Variants in PRPF6 observed in about 807,000 individuals in gnomAD.
The protein encoded by PRPF6 is pre-mRNA-processing factor 6.
PRPF6 carries 42 observed loss-of-function variants against 118.3 expected under a neutral mutation model. That is an observed-to-expected ratio of 0.35 (90% CI 0.28 to 0.46). The LOEUF (loss-of-function observed/expected upper bound fraction) is 0.46. Ranked by LOEUF, PRPF6 falls within the 20% of genes least tolerant of loss-of-function variation. PRPF6 has a pLI of 1.00. For missense variants in PRPF6, 662 were observed against 1,255.7 expected (o/e 0.53, Z 7.15); for synonymous variants, 481 against 485.1 (o/e 0.99, Z 0.11).
Position 63,981,192 on chromosome 20 carries a change from C to T in PRPF6, c.-54C>T, listed in dbSNP as rs750275951. On this transcript the variant is annotated 5_prime_UTR_variant, in exon 1 of 21. Coordinates refer to ENST00000266079, the MANE Select transcript of PRPF6 (RefSeq NM_012469.4). ...CGAAGCCTAGAGTCTCTGCGTCTTT[C>T]CCTCTTCCGCTGCCTCATTCCTTTC... 1.4e-3 allele frequency: 2,118 copies of T among 1,542,862 alleles called. 2 individuals are homozygous for T. Among genetic ancestry groups the T allele is most frequent in the Middle Eastern group, 1.8e-3 (11 of 5,972 alleles).
At position 64,029,550 on chromosome 20, in the gene PRPF6, G is replaced by T. The variant is rs2059305608; in HGVS notation, c.2546+59G>T. ...GGGGTCCTAATGGGCTCTTTTTCCA[G>T]AGTCTGTCTGCCTCTTCCTGGTCAT... On this transcript the variant is annotated intron_variant, in intron 19 of 20. Transcript: ENST00000266079. The surrounding 1 kb of genome is among the most constrained non-coding windows in gnomAD (Gnocchi z 4.8). 7.2e-7 allele frequency: 1 copy of T among 1,391,586 alleles called. No individual in the cohort carries two copies. Among genetic ancestry groups the T allele is most frequent in the Admixed American group, 1.7e-5 (1 of 59,140 alleles). The allele number at this position is 1,391,586 out of a possible 1,614,324, so 86.2% of individuals were successfully genotyped here.
intron 3 of PRPF6, among the ~76,000 whole-genome samples, chr20:63,990,066 C>T (rs1464282140): frequency 6.6e-6 from 1 of 151,864 alleles, no homozygotes; most frequent in Admixed American, 6.6e-5. Flanking sequence ...GTTGGCCAGG[C>T]CGGTCTTGAA....
chr20:63,982,898 G>A, intron 1 of PRPF6, 149 bp from the exon 2 acceptor site: 1 of 924,804 alleles, frequency 1.1e-6, no homozygotes, highest in Non-Finnish European at 1.7e-6. Flanking sequence ...GATCAGAAGT[G>A]TTTGAGACTG....
At chr20:63,984,410 G>A (rs2059084595) in intron 2 of PRPF6, among the ~76,000 whole-genome samples, 2 of 150,558 alleles carry the variant, frequency 1.3e-5, no homozygotes, top group African/African-American at 2.5e-5. Flanking sequence ...GAGAGTGCGA[G>A]ACTCTGTCTC....
Position 64,015,962 on chromosome 20 carries a change from A to G in PRPF6, c.1525-761A>G, listed in dbSNP as rs549141709. 7.2e-5 allele frequency among the ~76,000 whole-genome samples: 11 copies of G among 152,282 alleles called. No individual in the cohort carries two copies. In the East Asian group the frequency reaches 2.1e-3, roughly 29 times the overall value. On this transcript the variant is annotated intron_variant, in intron 11 of 20. Transcript: ENST00000266079. ...GGCAACATAAGGAGACCCTGTATCTATGAAACATAATGTACCATTGAGCAT... is the reference window on the plus strand; with the variant it reads ...GGCAACATAAGGAGACCCTGTATCTGTGAAACATAATGTACCATTGAGCAT...
chr20:64,016,864 C>A lies in PRPF6; in HGVS notation c.1647+19C>A, dbSNP rs375521383. 1.1e-4 allele frequency: 180 copies of A among 1,613,740 alleles called. No homozygotes were observed. The highest frequency in any genetic ancestry group is 9.8e-4 in the Admixed American group (59 of 59,974). ...TGACAGTGTGAGTTGGCAACAGGGG[C>A]CTTTGTCCGTAATATGGAGTCTCTG... On this transcript the variant is annotated intron_variant, in intron 12 of 20. Coordinates refer to ENST00000266079, the MANE Select transcript of PRPF6 (RefSeq NM_012469.4).
chr20:64,031,689 A>C lies in PRPF6; in HGVS notation c.2547-229A>C, dbSNP rs1413916705. On this transcript the variant is annotated intron_variant, in intron 19 of 20. Transcript: ENST00000266079. The stretch of plus-strand genomic sequence containing the variant: ...CTCCTTCTCAAAAAAAAAAAAAAAA[A>C]AACAACAAAAAAAAACCAATTTGGT... 7.6e-3 allele frequency among the ~76,000 whole-genome samples: 1,129 copies of C among 148,222 alleles called. 17 individuals carry two copies. The highest frequency in any genetic ancestry group is 0.026 in the African/African-American group (1,001 of 38,824).
At chr20:63,983,463 CCA>C (rs2059080016) in intron 2 of PRPF6, among the ~76,000 whole-genome samples, 1 of 150,344 alleles carries the variant, frequency 6.7e-6, no homozygotes, top group Admixed American at 6.6e-5. Flanking sequence ...TTTCTATTGC[CCA>C]GTCTTTTTTT....
Position 63,994,930 on chromosome 20 carries a change from A to C in PRPF6, c.453A>C (p.Glu151Asp). The change falls in exon 5 of 21, where the codon GAA becomes GAC. Residue 151 changes from glutamate to aspartate, a missense_variant. Around this residue, in one of 10 missense-constraint regions of PRPF6, gnomAD observed 97 missense variants for 122.6 expected, o/e 0.79. Coordinates refer to ENST00000266079, the MANE Select transcript of PRPF6 (RefSeq NM_012469.4). Reference sequence around the variant, plus strand: ...GATATTTCCAGAGGAAGTTGGCAGAAGTCACAGAAGAAGAGTGGCTGAGCA... The same window carrying C: ...GATATTTCCAGAGGAAGTTGGCAGACGTCACAGAAGAAGAGTGGCTGAGCA... ...QFSDLKRKLA[E>D]VTEEEWLSIP... The C allele has an allele frequency of 6.2e-6, 10 of 1,614,228 alleles. No homozygotes were observed. The highest frequency in any genetic ancestry group is 8.5e-6 in the Non-Finnish European group (10 of 1,180,050).
In PRPF6 at chr20:64,027,750, G is replaced by A; in HGVS notation, c.2339+14G>A. 3.7e-6 allele frequency: 6 copies of A among 1,613,494 alleles called. No individual in the cohort carries two copies. The highest frequency in any genetic ancestry group is 5.1e-6 in the Non-Finnish European group (6 of 1,179,996). On this transcript the variant is annotated intron_variant, in intron 17 of 20. Transcript: ENST00000266079. This position sits in a 1 kb window ranked among gnomAD's most constrained non-coding sequence, Gnocchi z 6.5. ...CCCTGGGCTGTGGTGAGTCCTGGAG[G>A]GGGCAGCCTGGCCTCTGGGCACAGC...
In PRPF6 at chr20:64,027,854, G is replaced by C. The variant is rs60782571; in HGVS notation, c.2339+118G>C. On this transcript the variant is annotated intron_variant, in intron 17 of 20. Transcript: ENST00000266079. The surrounding 1 kb of genome is among the most constrained non-coding windows in gnomAD (Gnocchi z 6.5). ...CAGTGCTTCCAGGCTCAGGGGCTTG[G>C]GGGGCGGTAGGTGCTGGCCATGAAA... 2.3e-3 allele frequency: 3,372 copies of C among 1,436,458 alleles called. 86 individuals carry two copies. In the African/African-American group the frequency reaches 0.042, roughly 18 times the overall value. The allele number at this position is 1,436,458 out of a possible 1,614,324, so 89.0% of individuals were successfully genotyped here.
chr20:64,031,066 C>T (rs1402040496), intron 19 of PRPF6, among the ~76,000 whole-genome samples: 3 of 152,248 alleles, frequency 2.0e-5, no homozygotes, highest in Admixed American at 6.5e-5. Context: ...TAGCATGGAC[C>T]TCTTCGGGCC....
chr20:64,002,700 A>G lies in PRPF6; in HGVS notation c.1186+1461A>G, dbSNP rs183058951. Among the ~76,000 whole-genome samples, 566 of 137,694 alleles carry G rather than the reference A, an allele frequency of 4.1e-3. 16 individuals carry two copies. The highest frequency in any genetic ancestry group is 0.036 in the Admixed American group (497 of 13,674). The allele number at this position is 137,694 out of a possible 152,430, so 90.3% of individuals were successfully genotyped here. ...ACTTTGTCCCCCAGGCTGGAGTGCA[A>G]TGGCACCATCTTGGCTCACTGCAAC... On this transcript the variant is annotated intron_variant, in intron 9 of 20. Coordinates refer to ENST00000266079, the MANE Select transcript of PRPF6 (RefSeq NM_012469.4).
rs761243851 is a variant in PRPF6, at chr20:64,028,446, G to T, written c.2340-32G>T. 6.2e-7 allele frequency: 1 copy of T among 1,610,968 alleles called. No individual in the cohort carries two copies. The highest frequency in any genetic ancestry group is 8.5e-7 in the Non-Finnish European group (1 of 1,177,644). The stretch of plus-strand genomic sequence containing the variant: ...CCAGAATATGTGCTGTTGGTAGACG[G>T]CTGTGGGACCTCCGGGGGCCTGTCT... On this transcript the variant is annotated intron_variant, in intron 17 of 20. Transcript: ENST00000266079. The surrounding 1 kb of genome is among the most constrained non-coding windows in gnomAD (Gnocchi z 6.5).
intron 6 of PRPF6, among the ~76,000 whole-genome samples, chr20:63,996,543 G>A (rs1224857803): frequency 1.3e-5 from 2 of 152,152 alleles, no homozygotes; most frequent in African/African-American, 4.8e-5. Context: ...TGGAGCTCCT[G>A]GGCACAAGTG....
rs1482658138 is a variant in PRPF6 at position 64,026,469 on chromosome 20, G to A, written c.2028+411G>A. Reference sequence around the variant, plus strand: ...TGCGGTGAGCTGAGATCGCGCCACTGCACTCCAGCCTGGGCAGCAAGAGGG... The same window carrying A: ...TGCGGTGAGCTGAGATCGCGCCACTACACTCCAGCCTGGGCAGCAAGAGGG... On this transcript the variant is annotated intron_variant, in intron 15 of 20. Coordinates refer to ENST00000266079, the MANE Select transcript of PRPF6 (RefSeq NM_012469.4). This position sits in a 1 kb window ranked among gnomAD's most constrained non-coding sequence, Gnocchi z 4.4. Among the ~76,000 whole-genome samples, 1 of 152,042 alleles carries A rather than the reference G, an allele frequency of 6.6e-6. No individual in the cohort carries two copies. Among genetic ancestry groups the A allele is most frequent in the Non-Finnish European group, 1.5e-5 (1 of 68,026 alleles).
At chr20:64,021,032 C>A (rs1266500779) in intron 12 of PRPF6, among the ~76,000 whole-genome samples, 12 of 152,246 alleles carry the variant, frequency 7.9e-5, no homozygotes, top group Non-Finnish European at 5.9e-5. Context: ...GGTGATCCAC[C>A]CAGCTTGGCC....
chr20:64,004,358 T>C (rs1201816035), intron 9 of PRPF6, among the ~76,000 whole-genome samples: 1 of 152,228 alleles, frequency 6.6e-6, no homozygotes, highest in African/African-American at 2.4e-5. Context: ...GCCTGCCCTT[T>C]CCCAAGAGTG....
chr20:64,026,114 G>A lies in PRPF6; in HGVS notation c.2028+56G>A. 6.3e-7 allele frequency: 1 copy of A among 1,594,956 alleles called. No homozygotes were observed. Among genetic ancestry groups the A allele is most frequent in the South Asian group, 1.1e-5 (1 of 90,888 alleles). On this transcript the variant is annotated intron_variant, in intron 15 of 20. Transcript: ENST00000266079. This position sits in a 1 kb window ranked among gnomAD's most constrained non-coding sequence, Gnocchi z 4.4. ...TGGGGTGCATGGTGTGCACATGCGG[G>A]CCCCACGCCTGGCTTGGGTGGTGAT...
Sources: gnomAD v4.1 joint callset for allele counts (sites outside exome capture counted in the v4.1 genomes callset) on GRCh38, gnomAD v4.1.1 for gene constraint, gnomAD v4.1.1 regional missense constraint, Gnocchi (gnomAD v3.1) non-coding constraint, MANE v1.5 for transcripts, NCBI Gene and HGNC (gene_info 2026-07-23, HGNC 2026-07-21) for gene names.